Variants in BNC2 observed in about 807,000 individuals in gnomAD.
BNC2 encodes zinc finger protein basonuclin-2.
Under a neutral mutation model 76.3 loss-of-function variants are expected in BNC2, and 20 were observed. That is an observed-to-expected ratio of 0.26 (90% CI 0.18 to 0.38). The LOEUF (loss-of-function observed/expected upper bound fraction) is 0.38, where lower values mean the gene tolerates loss of function less well. BNC2 is among the 10% of genes least tolerant of loss of function. The probability of loss-of-function intolerance (pLI) is 1.00; values close to 1 mark genes in which losing one functional copy is unlikely to be tolerated. For missense variants in BNC2, 1,382 were observed against 1,399.8 expected (o/e 0.99, Z 0.20); for synonymous variants, 582 against 514.8 (o/e 1.13, Z -1.77).
intron 3 of BNC2, among the ~76,000 whole-genome samples, chr9:16,659,149 G>C (rs576674071): frequency 3.0e-5 from 2 of 67,752 alleles, no homozygotes; most frequent in African/African-American, 2.7e-4. Context: ...ATGGATGGCG[G>C]GGGGGGGCAT....
chr9:16,781,011 A>AG (rs1436206088), intron 1 of BNC2, among the ~76,000 whole-genome samples: 1 of 151,930 alleles, frequency 6.6e-6, no homozygotes, highest in Admixed American at 6.6e-5. Context: ...CTTTGTTTGA[A>AG]AAAAAAAGAG....
intron 1 of BNC2, among the ~76,000 whole-genome samples, chr9:16,839,757 C>A (rs1360227362): frequency 1.3e-5 from 2 of 152,192 alleles, no homozygotes; most frequent in African/African-American, 2.4e-5. Flanking sequence ...ATCCTCTCAA[C>A]CTTACAGCCA....
At chr9:16,480,724 C>T (rs547610770) in intron 5 of BNC2, among the ~76,000 whole-genome samples, 103 of 152,362 alleles carry the variant, frequency 6.8e-4, no homozygotes, top group Non-Finnish European at 1.3e-3. Context: ...GATTTCTCAC[C>T]GGGCCCTAGC....
rs370148996 is a variant in BNC2 at position 16,809,053 on chromosome 9, G to C, written c.3+61593C>G. Among the ~76,000 whole-genome samples the C allele has an allele frequency of 2.0e-5, 3 of 152,116 alleles. No homozygotes were observed. The South Asian group carries it at 6.2e-4, about 32-fold the overall frequency. On this transcript the variant is annotated intron_variant, in intron 1 of 6. Transcript: ENST00000380672. ...AGACTTGGAACCAGGCACAACACTG[G>C]TTCCCAGGCAACTTCTTAGATACCA...
chr9:16,802,683 C>T (rs1054941332), intron 1 of BNC2, among the ~76,000 whole-genome samples: 13 of 152,132 alleles, frequency 8.5e-5, no homozygotes, highest in Admixed American at 7.2e-4. Context: ...AGACAAGGAC[C>T]GAAGGGTTTT....
Position 16,416,884 on chromosome 9 carries a change from CAG to C in BNC2, c.*2103_*2104del, listed in dbSNP as rs1820595005. 1 of 152,470 alleles carries C rather than the reference CAG, an allele frequency of 6.6e-6. No homozygotes were observed. The highest frequency in any genetic ancestry group is 1.5e-5 in the Non-Finnish European group (1 of 68,006). The allele number at this position is 152,470 out of a possible 1,614,324, so 9.4% of individuals were successfully genotyped here. On this transcript the variant is annotated 3_prime_UTR_variant, in exon 7 of 7. Coordinates refer to ENST00000380672, the MANE Select transcript of BNC2 (RefSeq NM_017637.6). Reference sequence around the variant, plus strand: ...ATAAATCCTACAGGAATAATAACAACAGAAACATATTAACAGTTTCCTTTGGC... The same window carrying C: ...ATAAATCCTACAGGAATAATAACAACAAACATATTAACAGTTTCCTTTGGC...
intron 3 of BNC2, among the ~76,000 whole-genome samples, chr9:16,658,485 C>A (rs892174799): frequency 2.0e-5 from 3 of 152,170 alleles, no homozygotes; most frequent in Non-Finnish European, 4.4e-5. Flanking sequence ...CTTGTTTTCA[C>A]CGTGAATAGT....
At chr9:16,859,411 T>G (rs1284518379) in intron 1 of BNC2, among the ~76,000 whole-genome samples, 1 of 152,212 alleles carries the variant, frequency 6.6e-6, no homozygotes, top group Admixed American at 6.5e-5. Context: ...CACAACAGCA[T>G]AATTCACAAG....
At chr9:16,764,816 A>G (rs1253305307) in intron 1 of BNC2, among the ~76,000 whole-genome samples, 1 of 151,946 alleles carries the variant, frequency 6.6e-6, no homozygotes, top group African/African-American at 2.4e-5. Flanking sequence ...AATTTGATAA[A>G]CTGAATTTGT....
At chr9:16,458,892 G>A (rs141881109) in intron 5 of BNC2, among the ~76,000 whole-genome samples, 10 of 152,300 alleles carry the variant, frequency 6.6e-5, no homozygotes, top group African/African-American at 2.2e-4. Flanking sequence ...AGTCCAGCAC[G>A]AGGAGAGAAC....
Position 16,437,012 on chromosome 9 carries a change from C to T in BNC2, c.1182G>A (p.Glu394=), listed in dbSNP as rs1821031071. Residue 394 remains glutamate, a synonymous_variant, in exon 6 of 7, where the codon GAG becomes GAA. Coordinates refer to ENST00000380672, the MANE Select transcript of BNC2 (RefSeq NM_017637.6). ...RNALTSITNV[E]PKTEPACVSP... ...AGACACAGGCTGGCTCGGTTTTGGGCTCCACATTAGTAATGCTGGTCAGGG... is the reference window on the plus strand; with the variant it reads ...AGACACAGGCTGGCTCGGTTTTGGGTTCCACATTAGTAATGCTGGTCAGGG... The T allele has an allele frequency of 4.3e-6, 7 of 1,614,088 alleles. No individual in the cohort carries two copies. The highest frequency in any genetic ancestry group is 1.1e-5 in the South Asian group (1 of 91,074).
intron 5 of BNC2, among the ~76,000 whole-genome samples, chr9:16,459,012 G>A (rs1821516118): frequency 6.6e-6 from 1 of 152,198 alleles, no homozygotes; most frequent in South Asian, 2.1e-4. Context: ...CCCTTCACAA[G>A]GGTGAAGCAA....
At chr9:16,706,539 A>G (rs939492130) in intron 3 of BNC2, among the ~76,000 whole-genome samples, 1 of 152,232 alleles carries the variant, frequency 6.6e-6, no homozygotes, top group African/African-American at 2.4e-5. Flanking sequence ...CCTAAAATAC[A>G]AAATGATGAT....
intron 5 of BNC2, among the ~76,000 whole-genome samples, chr9:16,515,112 G>C (rs1822847552): frequency 6.6e-6 from 1 of 152,198 alleles, no homozygotes; most frequent in African/African-American, 2.4e-5. Flanking sequence ...CACTGAACAA[G>C]TGTTAATATT....
chr9:16,714,867 T>C (rs1563911952), intron 3 of BNC2, among the ~76,000 whole-genome samples: 1 of 152,216 alleles, frequency 6.6e-6, no homozygotes, highest in East Asian at 1.9e-4. Flanking sequence ...ATTTCAATTA[T>C]GAATAGATAA....
chr9:16,458,693 C>A (rs1015602936), intron 5 of BNC2, among the ~76,000 whole-genome samples: 4 of 152,204 alleles, frequency 2.6e-5, no homozygotes, highest in Non-Finnish European at 5.9e-5. Flanking sequence ...AATGGGCTAT[C>A]ATAAATATGT....
chr9:16,759,579 G>A (rs1825492251), intron 1 of BNC2, among the ~76,000 whole-genome samples: 1 of 152,040 alleles, frequency 6.6e-6, no homozygotes, highest in Non-Finnish European at 1.5e-5. Flanking sequence ...CAAATCAAGA[G>A]AACAATCATT....
At position 16,682,296 on chromosome 9, in the gene BNC2, C is replaced by A. The variant is rs1326349250; in HGVS notation, c.330+45501G>T. 5.0e-5 allele frequency among the ~76,000 whole-genome samples: 5 copies of A among 99,712 alleles called. 1 individual carries two copies. The highest frequency in any genetic ancestry group is 3.4e-4 in the Admixed American group (3 of 8,778). The allele number at this position is 99,712 out of a possible 152,430, so 65.4% of individuals were successfully genotyped here. A position where few individuals can be genotyped will look rare whatever the true frequency, so the allele number is the denominator to read the frequency against. ...CACCCTATACAAAATTAATTAACTT[C>A]TCCAACATCATAGGAATTTAAATCC... On this transcript the variant is annotated intron_variant, in intron 3 of 6. Transcript: ENST00000380672.
intron 1 of BNC2, among the ~76,000 whole-genome samples, chr9:16,814,869 C>A (rs867470572): frequency 2.0e-5 from 3 of 151,944 alleles, no homozygotes; most frequent in Admixed American, 6.6e-5. Context: ...TTTTTTCTTC[C>A]CTATTAGTTC....
Sources: allele counts gnomAD v4.1 joint callset (sites outside exome capture counted in the v4.1 genomes callset), GRCh38; gene constraint gnomAD v4.1.1; transcripts MANE v1.5; gene names NCBI Gene and HGNC (gene_info 2026-07-23, HGNC 2026-07-21).